The following EML6 variants were observed in gnomAD, a reference collection of about 807,000 sequenced individuals.
The protein encoded by EML6 is echinoderm microtubule-associated protein-like 6.
A neutral mutation model predicts 240.1 loss-of-function variants in EML6; 154 were observed. The ratio of observed to expected loss-of-function variants is 0.64; its 90% CI spans 0.56 to 0.73. The LOEUF (loss-of-function observed/expected upper bound fraction) is 0.73, where lower values mean the gene tolerates loss of function less well. Among genes scored for constraint, EML6 ranks in the 30% least tolerant of loss-of-function variants. The pLI is 0.00. For missense variants in EML6, 2,964 were observed against 2,474.6 expected (o/e 1.20, Z -4.20); for synonymous variants, 1,148 against 899.0 (o/e 1.28, Z -4.95).
chr2:54,799,185 C>T (rs1669981503), intron 2 of EML6, among the ~76,000 whole-genome samples: 1 of 151,934 alleles, frequency 6.6e-6, no homozygotes, highest in African/African-American at 2.4e-5. Flanking sequence ...CTCAGCCTAC[C>T]TAGTAGCTGG....
At chr2:54,861,930 A>G (rs954747298) in intron 12 of EML6, among the ~76,000 whole-genome samples, 49 of 152,326 alleles carry the variant, frequency 3.2e-4, no homozygotes, top group Admixed American at 1.2e-3. Flanking sequence ...AATAATAGTC[A>G]TAAAGACCCT....
Position 54,964,673 on chromosome 2 carries a change from CAA to C in EML6, c.5435_5436del (p.Lys1812ArgfsTer26). The part of the protein sequence containing the change: ...GTNLNRIGYC[K>X]DIPSFVIQMD... ...CAAATCTGAACCGCATTGGCTACTG[CAA>C]AGATATCCCAAGCTTTGTCATTCAG... is the stretch of plus-strand genomic sequence containing the variant. On this transcript the variant is annotated frameshift_variant, in exon 38 of 42. Transcript: ENST00000356458. LOFTEE classifies it high-confidence loss of function. 1 of 1,552,300 alleles carries C rather than the reference CAA, an allele frequency of 6.4e-7. No individual in the cohort carries two copies. Among genetic ancestry groups the C allele is most frequent in the Non-Finnish European group, 8.7e-7 (1 of 1,147,120 alleles).
At chr2:54,745,703 C>T (rs1683881824) in intron 2 of EML6, among the ~76,000 whole-genome samples, 1 of 152,070 alleles carries the variant, frequency 6.6e-6, no homozygotes, top group Admixed American at 6.6e-5. Context: ...ATTGCTTGAG[C>T]CCAGGAAATT....
chr2:54,742,487 G>A (rs980027024), intron 2 of EML6, among the ~76,000 whole-genome samples: 5 of 152,192 alleles, frequency 3.3e-5, no homozygotes, highest in African/African-American at 1.2e-4. Flanking sequence ...ACTAATGTCT[G>A]TTTCCTCCTT....
intron 26 of EML6, among the ~76,000 whole-genome samples, chr2:54,921,272 C>CT (rs1407718942): frequency 6.6e-6 from 1 of 152,052 alleles, no homozygotes; most frequent in East Asian, 1.9e-4. Flanking sequence ...GGATACAAAG[C>CT]TAACATATAC....
chr2:54,819,766 T>C (rs1467074923), intron 4 of EML6, among the ~76,000 whole-genome samples: 2 of 117,538 alleles, frequency 1.7e-5, no homozygotes, highest in African/African-American at 6.1e-5. Context: ...GGAGCGAGAC[T>C]GTCTCAGAAA....
chr2:54,894,504 A>G (rs1165167745), intron 19 of EML6, among the ~76,000 whole-genome samples: 1 of 152,200 alleles, frequency 6.6e-6, no homozygotes, highest in Non-Finnish European at 1.5e-5. Flanking sequence ...AATGTTTAAC[A>G]ATAATTTTAA....
chr2:54,924,105 T>C (rs1277275923), intron 26 of EML6, among the ~76,000 whole-genome samples: 1 of 152,230 alleles, frequency 6.6e-6, no homozygotes, highest in African/African-American at 2.4e-5. Context: ...TGTAGACATA[T>C]GCTTTCTTTC....
intron 2 of EML6, among the ~76,000 whole-genome samples, chr2:54,756,843 C>G (rs949114877): frequency 6.6e-6 from 1 of 151,962 alleles, no homozygotes; most frequent in African/African-American, 2.4e-5. Flanking sequence ...ACTCCTGAGT[C>G]TCAGTTCTGG....
intron 29 of EML6, 42 bp from the exon 30 acceptor site, chr2:54,950,608 C>A (rs1465512812): frequency 6.5e-7 from 1 of 1,548,194 alleles, no homozygotes; most frequent in Non-Finnish European, 8.7e-7. Context: ...GCTCTCCCTT[C>A]CTTCCTCTGA....
intron 2 of EML6, among the ~76,000 whole-genome samples, chr2:54,793,112 C>G (rs1296064401): frequency 1.3e-5 from 2 of 151,958 alleles, no homozygotes; most frequent in East Asian, 1.9e-4. Flanking sequence ...TACAAAATTA[C>G]AAAAATTAGC....
intron 22 of EML6, among the ~76,000 whole-genome samples, chr2:54,900,062 G>C (rs1573102759): frequency 6.6e-6 from 1 of 152,196 alleles, no homozygotes; most frequent in South Asian, 2.1e-4. Flanking sequence ...CTCATTGAGA[G>C]CTGTGGGAGT....
intron 17 of EML6, among the ~76,000 whole-genome samples, chr2:54,889,638 C>T (rs898954949): frequency 6.6e-5 from 10 of 151,956 alleles, no homozygotes; most frequent in African/African-American, 2.4e-4. Context: ...ATTTTATATA[C>T]TGTACCTTTA....
At chr2:54,961,421 A>C (rs1231665706) in intron 35 of EML6, among the ~76,000 whole-genome samples, 1 of 151,416 alleles carries the variant, frequency 6.6e-6, no homozygotes, top group Non-Finnish European at 1.5e-5. Flanking sequence ...TCCTGACCTC[A>C]GGTGATCCAC....
At chr2:54,949,866 G>T (rs531213909) in intron 29 of EML6, among the ~76,000 whole-genome samples, 20 of 152,294 alleles carry the variant, frequency 1.3e-4, no homozygotes, top group African/African-American at 4.6e-4. Flanking sequence ...CATTCCTTCT[G>T]CTTAGAAGGC....
At chr2:54,943,378 G>T (rs1675527405) in intron 28 of EML6, among the ~76,000 whole-genome samples, 1 of 152,082 alleles carries the variant, frequency 6.6e-6, no homozygotes, top group Non-Finnish European at 1.5e-5. Context: ...CCCACAGCCA[G>T]ATCCATGTCC....
In EML6 at chr2:54,866,766, GTT is replaced by G; in HGVS notation, c.1935_1936del (p.Tyr646GlnfsTer12). 1 of 1,542,640 alleles carries G rather than the reference GTT, an allele frequency of 6.5e-7. No individual in the cohort carries two copies. Among genetic ancestry groups the G allele is most frequent in the Non-Finnish European group, 8.8e-7 (1 of 1,139,100 alleles). ...QEAQINYDRQ[V>X]YKEDLPQLKQ... Reference sequence around the variant, plus strand: ...CCAGATGTTTCTGTTGTACTTTAAGGTTTACAAAGAAGATCTACCTCAGCTAA... The same window carrying G: ...CCAGATGTTTCTGTTGTACTTTAAGGTACAAAGAAGATCTACCTCAGCTAA... On this transcript the variant is annotated frameshift_variant and splice_region_variant, in exon 14 of 42. Transcript: ENST00000356458. LOFTEE classifies it high-confidence loss of function.
chr2:54,820,125 A>G (rs930681123), intron 4 of EML6, among the ~76,000 whole-genome samples: 1 of 152,184 alleles, frequency 6.6e-6, no homozygotes, highest in Non-Finnish European at 1.5e-5. Flanking sequence ...TGTTTATCTC[A>G]AATGGACAAA....
rs560189882 is a variant in EML6 at position 54,790,927 on chromosome 2, A to G, written c.198-22305A>G. Among the ~76,000 whole-genome samples, 599 of 151,550 alleles carry G rather than the reference A, an allele frequency of 4.0e-3. 2 individuals carry two copies. Among genetic ancestry groups the G allele is most frequent in the Non-Finnish European group, 5.9e-3 (403 of 67,876 alleles). ...TTTTTAGTAGAGACGGGGTTTCACC[A>G]TGTTAGCCAGGATGGTCTCGATCTC... On this transcript the variant is annotated intron_variant, in intron 2 of 41. Transcript: ENST00000356458.
Sources: gnomAD v4.1 joint callset for allele counts (sites outside exome capture counted in the v4.1 genomes callset) on GRCh38, gnomAD v4.1.1 for gene constraint, MANE v1.5 for transcripts, NCBI Gene and HGNC (gene_info 2026-07-23, HGNC 2026-07-21) for gene names.